ZBTB7C: variants seen among roughly 807,000 people sequenced by gnomAD.
ZBTB7C encodes the protein zinc finger and BTB domain containing 7C, also known as zinc finger and BTB domain-containing protein 7C.
In ZBTB7C, 8 loss-of-function variants were observed where a neutral mutation model predicts 25.7. That is an observed-to-expected ratio of 0.31 (90% confidence interval 0.18 to 0.56). ZBTB7C has a LOEUF of 0.56. ZBTB7C is among the 20% of genes least tolerant of loss of function. The pLI is 0.91. For synonymous variants in ZBTB7C, 394 were observed against 369.0 expected (o/e 1.07, Z -0.78); for missense variants, 824 against 855.2 (o/e 0.96, Z 0.46).
In ZBTB7C at chr18:48,324,407, C is replaced by T. The variant is rs16949078; in HGVS notation, c.-79+13767G>A. ...AGGTGTCAGTGAGGCATGCAGTTTA[C>T]CCTCCAGTGAGGAGGTGGATTAGGA... On this transcript the variant is annotated intron_variant, in intron 2 of 4. Transcript: ENST00000590800. 8.1e-3 allele frequency among the ~76,000 whole-genome samples: 1,229 copies of T among 152,054 alleles called. 14 individuals are homozygous for T. The highest frequency in any genetic ancestry group is 0.028 in the African/African-American group (1,180 of 41,428).
chr18:48,312,824 G>C (rs2045854201), intron 2 of ZBTB7C, among the ~76,000 whole-genome samples: 1 of 152,204 alleles, frequency 6.6e-6, no homozygotes, highest in Non-Finnish European at 1.5e-5. Context: ...TACTGTGTGT[G>C]AGCCATAATG....
intron 2 of ZBTB7C, among the ~76,000 whole-genome samples, chr18:48,189,198 C>G (rs904040520): frequency 6.6e-6 from 1 of 152,310 alleles, no homozygotes; most frequent in Non-Finnish European, 1.5e-5. Flanking sequence ...GCTAAATATT[C>G]CAGGTGAACG....
At chr18:48,313,994 G>A (rs1018337164) in intron 2 of ZBTB7C, among the ~76,000 whole-genome samples, 6 of 152,152 alleles carry the variant, frequency 3.9e-5, no homozygotes, top group African/African-American at 1.2e-4. Context: ...GCTTTGGCAT[G>A]TGACATGATA....
chr18:48,096,870 C>T (rs1241178870), intron 3 of ZBTB7C, among the ~76,000 whole-genome samples: 18 of 152,160 alleles, frequency 1.2e-4, no homozygotes, highest in Admixed American at 1.2e-3. Context: ...AGTCATTTTC[C>T]CCTCCTAGAT....
intron 2 of ZBTB7C, among the ~76,000 whole-genome samples, chr18:48,226,258 G>A (rs575826041): frequency 1.3e-5 from 2 of 152,342 alleles, no homozygotes; most frequent in South Asian, 4.1e-4. Context: ...ACTGATACAG[G>A]TAGATCCCTT....
intron 1 of ZBTB7C, among the ~76,000 whole-genome samples, chr18:48,392,693 C>A (rs958344095): frequency 6.6e-6 from 1 of 152,218 alleles, no homozygotes; most frequent in Non-Finnish European, 1.5e-5. Context: ...TGGGAAAGCA[C>A]AGTGTCCTTA....
intron 2 of ZBTB7C, among the ~76,000 whole-genome samples, chr18:48,211,479 T>G (rs531743885): frequency 2.0e-4 from 30 of 152,272 alleles, no homozygotes; most frequent in African/African-American, 6.3e-4. Context: ...AAAGAACTCT[T>G]AAAACTCAAA....
chr18:48,271,031 A>G (rs1218651729), intron 2 of ZBTB7C, among the ~76,000 whole-genome samples: 1 of 152,238 alleles, frequency 6.6e-6, no homozygotes, highest in Non-Finnish European at 1.5e-5. Flanking sequence ...ATAAATGATC[A>G]TAACTTTCTC....
chr18:48,165,005 A>G (rs2041194842), intron 3 of ZBTB7C: 3 of 1,183,520 alleles, frequency 2.5e-6, no homozygotes, highest in Non-Finnish European at 3.2e-6. Flanking sequence ...ATTACTTCTT[A>G]GGAAATCTTA....
At chr18:48,235,062 T>C (rs80048044) in intron 2 of ZBTB7C, among the ~76,000 whole-genome samples, 8,688 of 152,260 alleles carry the variant, frequency 0.057, 404 homozygotes, top group East Asian at 0.18. Flanking sequence ...CTTTCAATTT[T>C]TTTTTGTCTC....
chr18:48,336,587 G>T (rs981520965), intron 2 of ZBTB7C, among the ~76,000 whole-genome samples: 3 of 152,218 alleles, frequency 2.0e-5, no homozygotes, highest in Non-Finnish European at 2.9e-5. Flanking sequence ...TGAGCACAGT[G>T]CTCGGTGCAC....
intron 3 of ZBTB7C, among the ~76,000 whole-genome samples, chr18:48,158,669 G>A (rs190819962): frequency 3.8e-4 from 58 of 152,202 alleles, no homozygotes; most frequent in African/African-American, 1.1e-3. Flanking sequence ...GCAAGACTCC[G>A]TTTTTATTAT....
intron 2 of ZBTB7C, among the ~76,000 whole-genome samples, chr18:48,318,883 T>A (rs771942393): frequency 6.6e-6 from 1 of 152,180 alleles, no homozygotes; most frequent in Non-Finnish European, 1.5e-5. Flanking sequence ...GGTTCCAGCC[T>A]GTTCCCCTCC....
intron 3 of ZBTB7C, among the ~76,000 whole-genome samples, chr18:48,099,372 T>C (rs1162931992): frequency 1.3e-5 from 2 of 152,220 alleles, no homozygotes; most frequent in Non-Finnish European, 2.9e-5. Context: ...ATGCTTAGTA[T>C]ATAATAGGCA....
intron 4 of ZBTB7C, among the ~76,000 whole-genome samples, chr18:48,033,305 GC>G (rs1237423225): frequency 6.6e-6 from 1 of 152,150 alleles, no homozygotes; most frequent in East Asian, 1.9e-4. Context: ...AACCTGGGGG[GC>G]TACCTGGCTG....
intron 3 of ZBTB7C, among the ~76,000 whole-genome samples, chr18:48,154,410 AG>A (rs1235512925): frequency 1.3e-5 from 2 of 152,200 alleles, no homozygotes; most frequent in African/African-American, 4.8e-5. Flanking sequence ...AGCTGTAACC[AG>A]GGAGAGCAGG....
intron 2 of ZBTB7C, among the ~76,000 whole-genome samples, chr18:48,323,545 G>A (rs1436645024): frequency 6.6e-6 from 1 of 152,170 alleles, no homozygotes; most frequent in Non-Finnish European, 1.5e-5. Context: ...CTGAGGGTGG[G>A]CCTGAGATGA....
At position 48,274,002 on chromosome 18, in the gene ZBTB7C, C is replaced by T. The variant is rs1051145765; in HGVS notation, c.-79+64172G>A. Among the ~76,000 whole-genome samples the T allele has an allele frequency of 1.1e-4, 17 of 152,230 alleles. No homozygotes were observed. The South Asian group carries it at 1.2e-3, about 11-fold the overall frequency. The stretch of plus-strand genomic sequence containing the variant: ...CAACTGAGAAACTCACATTGTAATA[C>T]GAATAAATGGTAATTTTGGTAAAGT... On this transcript the variant is annotated intron_variant, in intron 2 of 4. Coordinates refer to ENST00000590800, the MANE Select transcript of ZBTB7C (RefSeq NM_001318841.2).
At chr18:48,245,090 G>GTATATATA (rs138848813) in intron 2 of ZBTB7C, among the ~76,000 whole-genome samples, 1,225 of 110,170 alleles carry the variant, frequency 0.011, 14 homozygotes, top group Middle Eastern at 0.057. Context: ...GTGTGTGTGT[G>GTATATATA]TGTATATATA....
Sources: allele counts gnomAD v4.1 joint callset (sites outside exome capture counted in the v4.1 genomes callset), GRCh38; gene constraint gnomAD v4.1.1; transcripts MANE v1.5; gene names NCBI Gene and HGNC (gene_info 2026-07-23, HGNC 2026-07-21).